Variants in SNTG1 observed in about 807,000 individuals in gnomAD.
SNTG1 encodes syntrophin gamma 1.
A neutral mutation model predicts 74.7 loss-of-function variants in SNTG1; 39 were observed. The observed-to-expected ratio is 0.52, with a 90% confidence interval of 0.40 to 0.68. The LOEUF (loss-of-function observed/expected upper bound fraction) is 0.68, where lower values mean the gene tolerates loss of function less well. Among genes scored for constraint, SNTG1 ranks in the 30% least tolerant of loss-of-function variants. SNTG1 has a pLI of 0.00. For missense variants in SNTG1, 685 were observed against 609.5 expected (o/e 1.12, Z -1.30); for synonymous variants, 254 against 217.1 (o/e 1.17, Z -1.49).
chr8:50,668,519 T>C (rs1424742427), intron 15 of SNTG1, among the ~76,000 whole-genome samples: 1 of 149,942 alleles, frequency 6.7e-6, no homozygotes, highest in African/African-American at 2.4e-5. Context: ...TTATTATTAT[T>C]ATTATTATTA....
intron 1 of SNTG1, among the ~76,000 whole-genome samples, chr8:50,012,685 A>T (rs1815924947): frequency 1.3e-5 from 2 of 152,108 alleles, no homozygotes; most frequent in African/African-American, 4.8e-5. Context: ...TGGGGGTCAC[A>T]TGGGGGAGCA....
chr8:50,409,546 G>A (rs991849144), intron 4 of SNTG1, among the ~76,000 whole-genome samples: 9 of 152,166 alleles, frequency 5.9e-5, no homozygotes, highest in African/African-American at 9.7e-5. Context: ...ATGCATGGCC[G>A]TTGTCAGATA....
At chr8:50,457,705 C>T (rs13280891) in intron 8 of SNTG1, among the ~76,000 whole-genome samples, 88,988 of 151,902 alleles carry the variant, frequency 0.59, 30,949 homozygotes, top group Non-Finnish European at 0.77. Context: ...TAGCCAAAGC[C>T]GCCATCCAGC....
At chr8:50,705,055 T>A (rs7016914) in intron 16 of SNTG1, among the ~76,000 whole-genome samples, 31,513 of 152,124 alleles carry the variant, frequency 0.21, 3,369 homozygotes, top group South Asian at 0.31. Context: ...ATTTAATGAA[T>A]TGTTGACAAG....
intron 8 of SNTG1, among the ~76,000 whole-genome samples, chr8:50,453,307 C>A (rs1262227149): frequency 1.3e-5 from 2 of 152,164 alleles, no homozygotes; most frequent in Non-Finnish European, 2.9e-5. Context: ...AGAATTAGAT[C>A]ATGGAAGCAT....
intron 2 of SNTG1, among the ~76,000 whole-genome samples, chr8:50,219,448 G>A (rs995038114): frequency 3.3e-5 from 5 of 152,030 alleles, no homozygotes; most frequent in Non-Finnish European, 5.9e-5. Flanking sequence ...TTCTCATATC[G>A]CTACAGAGAA....
intron 14 of SNTG1, among the ~76,000 whole-genome samples, chr8:50,658,188 A>G (rs570327704): frequency 6.6e-6 from 1 of 152,272 alleles, no homozygotes; most frequent in Admixed American, 6.5e-5. Context: ...ATTTCTTAAT[A>G]TAAATGATGT....
chr8:50,004,805 T>A (rs1411355789), intron 1 of SNTG1, among the ~76,000 whole-genome samples: 7 of 152,182 alleles, frequency 4.6e-5, no homozygotes, highest in African/African-American at 1.7e-4. Context: ...CAGGTAGCCC[T>A]ATGGCTACTT....
chr8:50,762,253 T>G (rs2095601082), intron 18 of SNTG1, among the ~76,000 whole-genome samples: 1 of 152,000 alleles, frequency 6.6e-6, no homozygotes, highest in South Asian at 2.1e-4. Context: ...TAACATATCT[T>G]TAGAAGGGGT....
chr8:50,714,146 G>A (rs1044578476), intron 17 of SNTG1, among the ~76,000 whole-genome samples: 6 of 151,702 alleles, frequency 4.0e-5, no homozygotes, highest in African/African-American at 1.5e-4. Flanking sequence ...AATGACTGTA[G>A]ATGTGTGGTG....
chr8:50,500,600 T>C (rs1048751039), intron 8 of SNTG1, among the ~76,000 whole-genome samples: 4 of 152,120 alleles, frequency 2.6e-5, no homozygotes, highest in Non-Finnish European at 5.9e-5. Context: ...GACATATACT[T>C]TTTACTATAT....
intron 2 of SNTG1, among the ~76,000 whole-genome samples, chr8:50,221,670 A>C (rs1432464153): frequency 6.6e-6 from 1 of 152,142 alleles, no homozygotes; most frequent in Non-Finnish European, 1.5e-5. Context: ...CCATTTAAAA[A>C]ATATATTTTT....
In SNTG1 at chr8:49,974,156, A is replaced by G. The variant is rs572574824; in HGVS notation, c.-103+61925A>G. On this transcript the variant is annotated intron_variant, in intron 1 of 18. Coordinates refer to ENST00000642720, the MANE Select transcript of SNTG1 (RefSeq NM_018967.5). ...CTTCCTTATTTTCCTATCTGGAAGC[A>G]CATGCCACAACTCCATTAGCAAAAC... 2.0e-5 allele frequency among the ~76,000 whole-genome samples: 3 copies of G among 152,328 alleles called. No homozygotes were observed. In the South Asian group the frequency reaches 6.2e-4, roughly 32 times the overall value.
intron 1 of SNTG1, among the ~76,000 whole-genome samples, chr8:49,969,390 T>A (rs990030396): frequency 0.027 from 2,371 of 89,086 alleles, 221 homozygotes; most frequent in East Asian, 0.069. Context: ...ATTTAATCTT[T>A]TTTTTTTTTT....
chr8:50,746,258 G>A (rs905878599), intron 17 of SNTG1, among the ~76,000 whole-genome samples: 2 of 151,784 alleles, frequency 1.3e-5, no homozygotes, highest in African/African-American at 4.8e-5. Context: ...TCTTCACATA[G>A]ATCTATGTTG....
intron 12 of SNTG1, among the ~76,000 whole-genome samples, chr8:50,572,149 G>A (rs1460672493): frequency 1.3e-5 from 2 of 151,920 alleles, no homozygotes; most frequent in Admixed American, 1.3e-4. Context: ...AGGTACACCT[G>A]CCCCTATGAG....
intron 13 of SNTG1, among the ~76,000 whole-genome samples, chr8:50,615,068 G>A (rs929494035): frequency 8.0e-5 from 12 of 150,514 alleles, no homozygotes; most frequent in African/African-American, 2.0e-4. Context: ...TCAGCCTCCC[G>A]AGTAGCTAGG....
At chr8:50,149,899 C>G (rs1300154316) in intron 1 of SNTG1, among the ~76,000 whole-genome samples, 1 of 151,990 alleles carries the variant, frequency 6.6e-6, no homozygotes, top group Non-Finnish European at 1.5e-5. Flanking sequence ...TCCATATGAA[C>G]TTTAAAGTAG....
At chr8:49,999,054 C>T (rs1312778906) in intron 1 of SNTG1, among the ~76,000 whole-genome samples, 2 of 152,074 alleles carry the variant, frequency 1.3e-5, no homozygotes, top group African/African-American at 4.8e-5. Context: ...GTGTTCAACT[C>T]CTTTATAATC....
Sources: gnomAD v4.1 joint callset for allele counts (sites outside exome capture counted in the v4.1 genomes callset) on GRCh38, gnomAD v4.1.1 for gene constraint, MANE v1.5 for transcripts, NCBI Gene and HGNC (gene_info 2026-07-23, HGNC 2026-07-21) for gene names.